KATNIP: variants seen among roughly 807,000 people sequenced by gnomAD.
The protein encoded by KATNIP is katanin interacting protein, also known as katanin-interacting protein.
Under a neutral mutation model 174.0 loss-of-function variants are expected in KATNIP, and 126 were observed. The ratio of observed to expected loss-of-function variants is 0.72; its 90% CI spans 0.63 to 0.84. The LOEUF (loss-of-function observed/expected upper bound fraction) is 0.84, where lower values mean the gene tolerates loss of function less well. Ranked by LOEUF, KATNIP falls within the 40% of genes least tolerant of loss-of-function variation. The pLI, the probability that KATNIP is intolerant of heterozygous loss-of-function variation, is 0.00. For missense variants in KATNIP, 1,958 were observed against 2,109.7 expected (o/e 0.93, Z 1.41); for synonymous variants, 810 against 835.7 (o/e 0.97, Z 0.53).
intron 2 of KATNIP, among the ~76,000 whole-genome samples, chr16:27,584,340 G>T (rs2090807356): frequency 6.6e-6 from 1 of 151,934 alleles, no homozygotes. Context: ...AAGGTTGGGT[G>T]GGGTCAACCC....
At chr16:27,655,207 T>G (rs1466552315) in intron 6 of KATNIP, among the ~76,000 whole-genome samples, 7 of 120,292 alleles carry the variant, frequency 5.8e-5, no homozygotes, top group African/African-American at 2.2e-4. Context: ...TATATATATA[T>G]ATATATATAT....
At chr16:27,752,070 T>G in intron 17 of KATNIP, 146 bp downstream of exon 17, 1 of 534,662 alleles carries the variant, frequency 1.9e-6, no homozygotes, top group Non-Finnish European at 3.1e-6. Context: ...ACTTTGTTTT[T>G]TTGTCCTCTA....
rs2081042815 is a variant in KATNIP at position 27,740,028 on chromosome 16, C to T, written c.1744-13C>T. 7 of 1,602,176 alleles carry T rather than the reference C, an allele frequency of 4.4e-6. No individual in the cohort carries two copies. The highest frequency in any genetic ancestry group is 6.0e-6 in the Non-Finnish European group (7 of 1,172,848). ...GCTATGCATCTTCACTTTGTTAAAT[C>T]TTATGGTTTCAGGATCTTGACATTG... On this transcript the variant is annotated splice_polypyrimidine_tract_variant and intron_variant, in intron 14 of 27. Coordinates refer to ENST00000261588, the MANE Select transcript of KATNIP (RefSeq NM_015202.5).
intron 5 of KATNIP, chr16:27,632,357 T>C (rs1368175402): frequency 4.6e-6 from 1 of 219,088 alleles, no homozygotes; most frequent in Non-Finnish European, 9.8e-6. Context: ...GACGGATTTA[T>C]GCTGAATAGG....
chr16:27,731,069 C>T (rs2080659672), intron 14 of KATNIP, among the ~76,000 whole-genome samples: 1 of 152,190 alleles, frequency 6.6e-6, no homozygotes, highest in African/African-American at 2.4e-5. Flanking sequence ...GTTGTGAACT[C>T]TTCAAGGCGA....
At chr16:27,731,921 C>T (rs2080704707) in intron 14 of KATNIP, among the ~76,000 whole-genome samples, 1 of 152,154 alleles carries the variant, frequency 6.6e-6, no homozygotes, top group East Asian at 1.9e-4. Context: ...GCGCCTGGCA[C>T]AGCCCTGCCT....
chr16:27,729,405 T>A (rs1384130374), intron 14 of KATNIP, among the ~76,000 whole-genome samples: 1 of 152,208 alleles, frequency 6.6e-6, no homozygotes, highest in Non-Finnish European at 1.5e-5. Flanking sequence ...TGGGCCCACA[T>A]TATCCACATG....
intron 6 of KATNIP, among the ~76,000 whole-genome samples, chr16:27,660,339 A>G (rs916457871): frequency 2.6e-5 from 4 of 152,210 alleles, no homozygotes; most frequent in African/African-American, 4.8e-5. Flanking sequence ...ACCTGAGGTC[A>G]GGAGTTTGAG....
intron 20 of KATNIP, among the ~76,000 whole-genome samples, chr16:27,769,346 G>C (rs1382834180): frequency 6.6e-6 from 1 of 152,202 alleles, no homozygotes; most frequent in Non-Finnish European, 1.5e-5. Context: ...GAGGGGTATT[G>C]ATGTGTGAGC....
At chr16:27,617,500 T>A (rs2076075375) in intron 2 of KATNIP, among the ~76,000 whole-genome samples, 1 of 152,186 alleles carries the variant, frequency 6.6e-6, no homozygotes, top group Non-Finnish European at 1.5e-5. Context: ...GCCAAGGTCA[T>A]GTGAACCAAG....
chr16:27,701,347 G>A (rs779817596), intron 10 of KATNIP: 3 of 399,478 alleles, frequency 7.5e-6, no homozygotes, highest in Non-Finnish European at 1.4e-5. Flanking sequence ...ATAAGAGAAA[G>A]TTTACAGTCA....
chr16:27,608,889 AT>A (rs1171551355), intron 2 of KATNIP, among the ~76,000 whole-genome samples: 2 of 151,982 alleles, frequency 1.3e-5, no homozygotes, highest in Non-Finnish European at 2.9e-5. Flanking sequence ...ATTCCCCCTT[AT>A]CCCCCTGCAA....
intron 13 of KATNIP, among the ~76,000 whole-genome samples, chr16:27,715,979 A>T (rs1328011717): frequency 1.9e-5 from 2 of 104,032 alleles, no homozygotes; most frequent in Admixed American, 9.7e-5. Flanking sequence ...ATTTATTTAA[A>T]AAAAAAAAAA....
At chr16:27,580,360 C>A (rs1339967136) in intron 2 of KATNIP, among the ~76,000 whole-genome samples, 1 of 152,162 alleles carries the variant, frequency 6.6e-6, no homozygotes, top group African/African-American at 2.4e-5. Context: ...CAGTCCTCCC[C>A]TCTTGGCCTC....
intron 14 of KATNIP, among the ~76,000 whole-genome samples, chr16:27,731,596 T>G (rs1480944753): frequency 6.6e-6 from 1 of 151,944 alleles, no homozygotes; most frequent in East Asian, 1.9e-4. Flanking sequence ...TGGTGCCCAT[T>G]TCACGGCCCT....
Position 27,618,603 on chromosome 16 carries a change from G to A in KATNIP, c.140+102G>A, listed in dbSNP as rs1003116546. The A allele has an allele frequency of 3.9e-6, 3 of 761,482 alleles. No homozygotes were observed. In the African/African-American group the frequency reaches 5.1e-5, roughly 13 times the overall value. The allele number at this position is 761,482 out of a possible 1,614,324, so 47.2% of individuals were successfully genotyped here. ...GCCCTGCCTCACATAGGAATGGGATGCAGAGTCCCCCTCCACTCAGAGGCT... is the reference window on the plus strand; with the variant it reads ...GCCCTGCCTCACATAGGAATGGGATACAGAGTCCCCCTCCACTCAGAGGCT... On this transcript the variant is annotated intron_variant, in intron 3 of 27. Transcript: ENST00000261588.
At chr16:27,554,418 T>C (rs111903334) in intron 1 of KATNIP, among the ~76,000 whole-genome samples, 4,784 of 152,004 alleles carry the variant, frequency 0.031, 245 homozygotes, top group African/African-American at 0.11. Flanking sequence ...TGAGCCAAGA[T>C]CATGCCACTG....
chr16:27,574,797 C>T (rs189610019), intron 2 of KATNIP, among the ~76,000 whole-genome samples: 6 of 152,200 alleles, frequency 3.9e-5, no homozygotes, highest in East Asian at 3.9e-4. Flanking sequence ...CTCCCGAGCC[C>T]GCCTCAGTCT....
In KATNIP at chr16:27,662,025, TATATATATATATATATACACATAC is replaced by T. The variant is rs1567269804; in HGVS notation, c.540+13308_540+13331del. On this transcript the variant is annotated intron_variant, in intron 6 of 27. Coordinates refer to ENST00000261588, the MANE Select transcript of KATNIP (RefSeq NM_015202.5). ...ATATATATATATATATACACATACA[TATATATATATATATATACACATAC>T]ATATATATATATATATATATATACA... Among the ~76,000 whole-genome samples, 65 of 20,446 alleles carry T rather than the reference TATATATATATATATATACACATAC, an allele frequency of 3.2e-3. 19 individuals carry two copies. Among genetic ancestry groups the T allele is most frequent in the African/African-American group, 0.017 (63 of 3,796 alleles). The allele number at this position is 20,446 out of a possible 152,430, so 13.4% of individuals were successfully genotyped here.
Sources: allele counts gnomAD v4.1 joint callset (sites outside exome capture counted in the v4.1 genomes callset), GRCh38; gene constraint gnomAD v4.1.1; transcripts MANE v1.5; gene names NCBI Gene and HGNC (gene_info 2026-07-23, HGNC 2026-07-21).